Variants in CENPK observed in about 807,000 individuals in gnomAD.
The protein encoded by CENPK is SoxLZ/Sox6-binding protein Solt.
A neutral mutation model predicts 40.9 loss-of-function variants in CENPK; 46 were observed. The ratio of observed to expected loss-of-function variants is 1.13; its 90% CI spans 0.89 to 1.44. The LOEUF (loss-of-function observed/expected upper bound fraction) is 1.44, where lower values mean the gene tolerates loss of function less well. CENPK is among the 40% of genes most tolerant of loss of function. The pLI is 0.00. For synonymous variants in CENPK, 107 were observed against 104.4 expected (o/e 1.02, Z -0.15); for missense variants, 288 against 303.5 (o/e 0.95, Z 0.38).
At chr5:65,521,397 G>A in intron 10 of CENPK, 78 bp downstream of exon 10, 1 of 983,338 alleles carries the variant, frequency 1.0e-6, no homozygotes, top group South Asian at 1.5e-5. Flanking sequence ...AGTATTTTTT[G>A]TTTTTCAAGT....
At chr5:65,537,030 T>C (rs1747034978) in intron 6 of CENPK, among the ~76,000 whole-genome samples, 1 of 152,208 alleles carries the variant, frequency 6.6e-6, no homozygotes, top group African/African-American at 2.4e-5. Flanking sequence ...TTCTATCCTT[T>C]TGCTGTGCTA....
the CENPK span, among the ~76,000 whole-genome samples, chr5:65,499,713 A>C: frequency 9.0e-6 from 1 of 111,328 alleles, no homozygotes; most frequent in Non-Finnish European, 1.8e-5. Flanking sequence ...ACATGTGCAC[A>C]TTGTGCAGGT....
intron 6 of CENPK, among the ~76,000 whole-genome samples, chr5:65,536,633 T>A (rs6896398): frequency 0.59 from 88,928 of 151,152 alleles, 26,732 homozygotes; most frequent in East Asian, 0.8. Flanking sequence ...AAAGAAAAAA[T>A]ATATATATAT....
intron 6 of CENPK, among the ~76,000 whole-genome samples, chr5:65,540,208 C>T (rs1273982222): frequency 2.0e-5 from 3 of 152,166 alleles, no homozygotes; most frequent in African/African-American, 7.2e-5. Flanking sequence ...TTTTTAACTT[C>T]CCACATTTTA....
intron 5 of CENPK, among the ~76,000 whole-genome samples, chr5:65,548,560 G>C (rs1412093058): frequency 6.6e-6 from 1 of 152,074 alleles, no homozygotes; most frequent in Non-Finnish European, 1.5e-5. Flanking sequence ...CTGTTTGATA[G>C]CATTTTACCC....
the CENPK span, among the ~76,000 whole-genome samples, chr5:65,511,226 A>T: frequency 6.6e-6 from 1 of 152,192 alleles, no homozygotes; most frequent in Non-Finnish European, 1.5e-5. Flanking sequence ...AGGTTTAAGG[A>T]AAGAAGCCAT....
At chr5:65,530,702 A>C (rs1466612931) in intron 6 of CENPK, among the ~76,000 whole-genome samples, 1 of 152,230 alleles carries the variant, frequency 6.6e-6, no homozygotes, top group East Asian at 1.9e-4. Context: ...CAATACTGAT[A>C]ATTAGAGACC....
At chr5:65,499,399 G>C in the CENPK span, among the ~76,000 whole-genome samples, 2 of 151,304 alleles carry the variant, frequency 1.3e-5, no homozygotes, top group African/African-American at 2.4e-5. Flanking sequence ...CCTCCCAATT[G>C]TTTTTCCCCA....
At chr5:65,533,744 T>C (rs970659339) in intron 6 of CENPK, among the ~76,000 whole-genome samples, 9 of 152,114 alleles carry the variant, frequency 5.9e-5, no homozygotes, top group African/African-American at 1.9e-4. Context: ...TAGTAATAAA[T>C]AAAAATTGAA....
chr5:65,501,919 G>A, the CENPK span, among the ~76,000 whole-genome samples: 2 of 152,140 alleles, frequency 1.3e-5, no homozygotes, highest in African/African-American at 4.8e-5. Flanking sequence ...TTCTGACATG[G>A]CTTCCTCTAA....
the CENPK span, among the ~76,000 whole-genome samples, chr5:65,498,640 T>C: frequency 6.2e-3 from 931 of 150,760 alleles, 8 homozygotes; most frequent in African/African-American, 0.022. Flanking sequence ...TTTTCTTTTT[T>C]TTTTTTTAGA....
the CENPK span, among the ~76,000 whole-genome samples, chr5:65,501,160 C>T: frequency 3.5e-5 from 5 of 143,862 alleles, no homozygotes; most frequent in African/African-American, 1.3e-4. Flanking sequence ...GGCATGTTTG[C>T]AATTGCTAAG....
chr5:65,530,617 CA>C (rs1482703325), intron 6 of CENPK, among the ~76,000 whole-genome samples: 1 of 152,132 alleles, frequency 6.6e-6, no homozygotes, highest in African/African-American at 2.4e-5. Context: ...AAATATAAAT[CA>C]GTGATAAGTT....
chr5:65,551,249 CAAAAAAAA>C (rs58442174), intron 5 of CENPK: 18 of 112,112 alleles, frequency 1.6e-4, no homozygotes, highest in South Asian at 4.8e-4. Context: ...GACCCTGTCT[CAAAAAAAA>C]AAAAAAAAAA....
chr5:65,507,414 A>T, the CENPK span, among the ~76,000 whole-genome samples: 2 of 152,244 alleles, frequency 1.3e-5, no homozygotes, highest in African/African-American at 4.8e-5. Context: ...ACAAAAATCA[A>T]TTCTGTTAGA....
At chr5:65,545,958 T>C (rs17282084) in intron 5 of CENPK, among the ~76,000 whole-genome samples, 2,223 of 152,292 alleles carry the variant, frequency 0.015, 47 homozygotes, top group African/African-American at 0.051. Flanking sequence ...TAAAACAAGA[T>C]TGAGAAAATG....
intron 8 of CENPK, 110 bp from the exon 9 acceptor site, chr5:65,528,688 C>T: frequency 1.3e-5 from 16 of 1,277,414 alleles, no homozygotes; most frequent in Non-Finnish European, 1.7e-5. Flanking sequence ...TTCATTTGCT[C>T]AAACCAAATA....
chr5:65,542,751 G>T, intron 6 of CENPK, 51 bp downstream of exon 6: 6 of 1,335,708 alleles, frequency 4.5e-6, no homozygotes, highest in South Asian at 1.3e-5. Context: ...ATCTAAAATA[G>T]ATCTAGTTAG....
chr5:65,542,797 C>A lies in CENPK; in HGVS notation c.288+5G>T. ...GGGTCACTACAAATTCATTGAGTGG[C>A]TTACCTCTTCTTTTCCTAATGTTAT... On this transcript the variant is annotated splice_donor_5th_base_variant and intron_variant, in intron 6 of 10. Transcript: ENST00000396679. 1 of 1,604,508 alleles carries A rather than the reference C, an allele frequency of 6.2e-7. No homozygotes were observed. Among genetic ancestry groups the A allele is most frequent in the South Asian group, 1.1e-5 (1 of 89,116 alleles).
Sources: gnomAD v4.1 joint callset for allele counts (sites outside exome capture counted in the v4.1 genomes callset) on GRCh38, gnomAD v4.1.1 for gene constraint, MANE v1.5 for transcripts, NCBI Gene and HGNC (gene_info 2026-07-23, HGNC 2026-07-21) for gene names.